Variants in GALNT13 observed in about 807,000 individuals in gnomAD.
GALNT13 encodes the protein polypeptide N-acetylgalactosaminyltransferase 13.
Under a neutral mutation model 64.2 loss-of-function variants are expected in GALNT13, and 28 were observed. That is an observed-to-expected ratio of 0.44 (90% CI 0.32 to 0.60). The LOEUF is 0.60. Ranked by LOEUF, GALNT13 falls within the 20% of genes least tolerant of loss-of-function variation. The probability of loss-of-function intolerance (pLI) is 0.05; values close to 1 mark genes in which losing one functional copy is unlikely to be tolerated. For synonymous variants in GALNT13, 214 were observed against 224.6 expected (o/e 0.95, Z 0.42); for missense variants, 577 against 669.8 (o/e 0.86, Z 1.53).
At chr2:153,657,668 C>T in the GALNT13 span, among the ~76,000 whole-genome samples, 1 of 152,134 alleles carries the variant, frequency 6.6e-6, no homozygotes, top group Non-Finnish European at 1.5e-5. Context: ...TTATATTCCT[C>T]ATACATTTTA....
chr2:153,403,292 T>A, the GALNT13 span, among the ~76,000 whole-genome samples: 1 of 151,640 alleles, frequency 6.6e-6, no homozygotes, highest in Non-Finnish European at 1.5e-5. Context: ...CGTTCTCAGA[T>A]CTCCAGCTGC....
the GALNT13 span, among the ~76,000 whole-genome samples, chr2:153,859,697 T>G: frequency 6.6e-6 from 1 of 152,150 alleles, no homozygotes; most frequent in African/African-American, 2.4e-5. Context: ...ATGGTGGCTA[T>G]GAAATACAAA....
the GALNT13 span, among the ~76,000 whole-genome samples, chr2:153,663,518 A>G: frequency 6.6e-6 from 1 of 152,218 alleles, no homozygotes; most frequent in Non-Finnish European, 1.5e-5. Context: ...CAGAAATACA[A>G]TAGATCAATT....
chr2:153,221,681 C>G, the GALNT13 span, among the ~76,000 whole-genome samples: 1 of 152,162 alleles, frequency 6.6e-6, no homozygotes, highest in Non-Finnish European at 1.5e-5. Flanking sequence ...GTGAGCCAGG[C>G]GCAGAGCAGT....
chr2:153,083,551 A>G, the GALNT13 span, among the ~76,000 whole-genome samples: 1 of 151,966 alleles, frequency 6.6e-6, no homozygotes, highest in South Asian at 2.1e-4. Context: ...TTTGAGAATT[A>G]TCTGTTCATG....
the GALNT13 span, among the ~76,000 whole-genome samples, chr2:153,073,216 A>G: frequency 6.6e-6 from 1 of 152,090 alleles, no homozygotes. Flanking sequence ...TATGTCAGTA[A>G]ATTTTCAGGT....
chr2:153,982,560 A>G (rs1384921873), intron 3 of GALNT13, among the ~76,000 whole-genome samples: 2 of 152,082 alleles, frequency 1.3e-5, no homozygotes, highest in Non-Finnish European at 2.9e-5. Flanking sequence ...TAGTTTCTGC[A>G]TAGCATCTGT....
chr2:154,450,623 T>A lies in GALNT13; in HGVS notation c.*72T>A. The A allele has an allele frequency of 7.5e-7, 1 of 1,341,606 alleles. No homozygotes were observed. Among genetic ancestry groups the A allele is most frequent in the Non-Finnish European group, 1.0e-6 (1 of 995,238 alleles). 83.1% of individuals were successfully genotyped at this position (1,341,606 alleles called of 1,614,324 possible). A position where few individuals can be genotyped will look rare whatever the true frequency, so the allele number is the denominator to read the frequency against. Reference sequence around the variant, plus strand: ...CATTATTTCAATTGGGGGAAAATATTAACTTTGCTGAATTGAAAGTTTTAA... The same window carrying A: ...CATTATTTCAATTGGGGGAAAATATAAACTTTGCTGAATTGAAAGTTTTAA... On this transcript the variant is annotated 3_prime_UTR_variant, in exon 13 of 13. Coordinates refer to ENST00000392825, the MANE Select transcript of GALNT13 (RefSeq NM_052917.4).
chr2:153,807,612 C>A, the GALNT13 span, among the ~76,000 whole-genome samples: 1 of 152,006 alleles, frequency 6.6e-6, no homozygotes, highest in Non-Finnish European at 1.5e-5. Flanking sequence ...CTTTTCCCAT[C>A]CTCTTTCCTG....
chr2:153,603,816 T>C, the GALNT13 span, among the ~76,000 whole-genome samples: 1,524 of 152,108 alleles, frequency 0.01, 24 homozygotes, highest in African/African-American at 0.035. Context: ...GGCTTAGCTG[T>C]CAAGAAAGTT....
intron 3 of GALNT13, among the ~76,000 whole-genome samples, chr2:154,008,516 G>C (rs1348083748): frequency 6.6e-6 from 1 of 151,976 alleles, no homozygotes; most frequent in African/African-American, 2.4e-5. Context: ...TGGTAATACA[G>C]ATTATTTAAT....
chr2:153,270,579 G>A, the GALNT13 span, among the ~76,000 whole-genome samples: 1 of 152,126 alleles, frequency 6.6e-6, no homozygotes, highest in Non-Finnish European at 1.5e-5. Context: ...ATACATTTGT[G>A]GCCAGACATA....
At chr2:153,570,280 C>G in the GALNT13 span, among the ~76,000 whole-genome samples, 1 of 152,130 alleles carries the variant, frequency 6.6e-6, no homozygotes, top group South Asian at 2.1e-4. Context: ...TCTTTGCCCA[C>G]TTTTTATCAG....
the GALNT13 span, among the ~76,000 whole-genome samples, chr2:153,559,153 C>T: frequency 6.6e-6 from 1 of 152,090 alleles, no homozygotes. Context: ...GTAATATAAG[C>T]ATCATTATAA....
At chr2:154,046,626 A>G (rs552912987) in intron 3 of GALNT13, among the ~76,000 whole-genome samples, 1 of 152,348 alleles carries the variant, frequency 6.6e-6, no homozygotes, top group African/African-American at 2.4e-5. Flanking sequence ...GCCCCAAAGC[A>G]TAGTAGCTTA....
the GALNT13 span, among the ~76,000 whole-genome samples, chr2:153,816,389 T>C: frequency 1.3e-5 from 2 of 152,064 alleles, no homozygotes; most frequent in Non-Finnish European, 2.9e-5. Flanking sequence ...AAAGTCATGG[T>C]AAGCAATGAG....
At chr2:154,441,314 C>T (rs147192141) in intron 12 of GALNT13, among the ~76,000 whole-genome samples, 3 of 152,192 alleles carry the variant, frequency 2.0e-5, no homozygotes, top group East Asian at 1.9e-4. Context: ...AATAATTGCT[C>T]AGTGGTTCTA....
intron 4 of GALNT13, among the ~76,000 whole-genome samples, chr2:154,214,408 C>T (rs185671114): frequency 8.5e-5 from 13 of 152,170 alleles, no homozygotes; most frequent in Non-Finnish European, 1.6e-4. Context: ...CATTCTCATT[C>T]CCTTCTTATT....
chr2:154,359,605 T>C (rs747318879), intron 9 of GALNT13, among the ~76,000 whole-genome samples: 19 of 152,128 alleles, frequency 1.2e-4, no homozygotes, highest in Non-Finnish European at 2.1e-4. Flanking sequence ...TCTGATACAA[T>C]GTAAGACAAT....
Sources: gnomAD v4.1 joint callset for allele counts (sites outside exome capture counted in the v4.1 genomes callset) on GRCh38, gnomAD v4.1.1 for gene constraint, MANE v1.5 for transcripts, NCBI Gene and HGNC (gene_info 2026-07-23, HGNC 2026-07-21) for gene names.